MYO15A: variants seen among roughly 807,000 people sequenced by gnomAD.
The protein encoded by MYO15A is unconventional myosin-XV.
In MYO15A, 308 loss-of-function variants were observed where a neutral mutation model predicts 394.6. The observed-to-expected ratio is 0.78, with a 90% CI of 0.71 to 0.86. The LOEUF is 0.86. MYO15A is among the 40% of genes least tolerant of loss of function. The probability of loss-of-function intolerance (pLI) is 0.00; values close to 1 mark genes in which losing one functional copy is unlikely to be tolerated. For missense variants in MYO15A, 4,606 were observed against 4,799.1 expected, an observed-to-expected ratio of 0.96 and a Z score of 1.19; for synonymous variants, 1,957 against 2,003.8, an observed-to-expected ratio of 0.98 and a Z score of 0.62.
chr17:18,113,424 T>C (rs2045745974), intron 1 of MYO15A, among the ~76,000 whole-genome samples: 1 of 152,126 alleles, frequency 6.6e-6, no homozygotes, highest in African/African-American at 2.4e-5. Context: ...GAGCCACTGC[T>C]CCTGGCTGCA....
At chr17:18,141,874 AC>A in intron 23 of MYO15A, 104 bp downstream of exon 23, 1 of 1,314,022 alleles carries the variant, frequency 7.6e-7, no homozygotes. Flanking sequence ...CCCAGGAGCA[AC>A]CCAGATGAGC....
chr17:18,131,974 C>A (rs1011047360), intron 10 of MYO15A, among the ~76,000 whole-genome samples: 2 of 152,132 alleles, frequency 1.3e-5, no homozygotes, highest in African/African-American at 2.4e-5. Flanking sequence ...ATGTTTTAAG[C>A]AGTTATTTGC....
rs763642160 is a variant in MYO15A at position 18,156,915 on chromosome 17, A to G, written c.8602-39A>G. On this transcript the variant is annotated intron_variant, in intron 48 of 65. Coordinates refer to ENST00000647165, the MANE Select transcript of MYO15A (RefSeq NM_016239.4). ...GCCCTAGGCCTCTGGGAGTGGGGTG[A>G]TAGGGCTGTTGCCCTCACCCTGCCT... 3.2e-6 allele frequency: 5 copies of G among 1,565,564 alleles called. No homozygotes were observed. In the African/African-American group the frequency reaches 5.4e-5, roughly 17 times the overall value.
Position 18,142,148 on chromosome 17 carries a change from C to G in MYO15A, c.5719C>G (p.Leu1907Val). Residue 1907 changes from leucine (L) to valine (V), a missense_variant, in exon 24 of 66, where the codon CTC (leucine) becomes GTC (valine). By Grantham distance (32) the Leu-to-Val change is conservative. Transcript: ENST00000647165. The part of the protein sequence containing the change: ...MREHVLNLAA[L>V]TLQRCLRGFF... ...AGAGCATGTCCTGAATCTGGCAGCC[C>G]TCACTCTGCAGCGCTGCCTCCGTGG... 1 of 1,613,936 alleles carries G rather than the reference C, an allele frequency of 6.2e-7. No individual in the cohort carries two copies. The highest frequency in any genetic ancestry group is 8.5e-7 in the Non-Finnish European group (1 of 1,180,042).
At chr17:18,155,079 G>T in intron 45 of MYO15A, 31 bp from the exon 46 acceptor site, 1 of 1,596,454 alleles carries the variant, frequency 6.3e-7, no homozygotes. Context: ...GGAGTGGGGA[G>T]AGGGTCCTGA....
Position 18,117,618 on chromosome 17 carries a change from G to A in MYO15A, c.-219-964G>A, listed in dbSNP as rs1365944608. 6.6e-6 allele frequency among the ~76,000 whole-genome samples: 1 copy of A among 152,164 alleles called. No homozygotes were observed. Among genetic ancestry groups the A allele is most frequent in the Admixed American group, 6.5e-5 (1 of 15,278 alleles). ...CTCAGAGCTGCCACTCCCCACCTCC[G>A]CTGGCCTGCCCAGTTTTTCCCACCC... is the stretch of plus-strand genomic sequence containing the variant. On this transcript the variant is annotated intron_variant, in intron 1 of 65. Coordinates refer to ENST00000647165, the MANE Select transcript of MYO15A (RefSeq NM_016239.4). The surrounding 1 kb of genome is among the most constrained non-coding windows in gnomAD (Gnocchi z 4.1).
chr17:18,134,690 C>T (rs1355059273), intron 12 of MYO15A, among the ~76,000 whole-genome samples: 4 of 151,970 alleles, frequency 2.6e-5, no homozygotes, highest in Non-Finnish European at 5.9e-5. Context: ...GGAGACCAGC[C>T]TAGGCAACAT....
At position 18,143,934 on chromosome 17, in the gene MYO15A, C is replaced by G. The variant is rs1470943957; in HGVS notation, c.6111C>G (p.Pro2037=). 1 of 1,610,800 alleles carries G rather than the reference C, an allele frequency of 6.2e-7. No homozygotes were observed. Among genetic ancestry groups the G allele is most frequent in the South Asian group, 1.1e-5 (1 of 90,282 alleles). The change falls in exon 28 of 66, where the codon CCC becomes CCG. Residue 2037 remains proline, a synonymous_variant. Transcript: ENST00000647165. ...GGACTCCTCGACTCCAGGCTGAGCCCCGTGTCACACTGCCCCTGGACATCA... is the reference window on the plus strand; with the variant it reads ...GGACTCCTCGACTCCAGGCTGAGCCGCGTGTCACACTGCCCCTGGACATCA... ...PVRTPRLQAE[P]RVTLPLDINN...
chr17:18,140,672 T>C lies in MYO15A; in HGVS notation c.5360+7T>C. On this transcript the variant is annotated splice_region_variant and intron_variant, in intron 20 of 65. Transcript: ENST00000647165. ...TGGTGGAAAAGATGGAGAGGTGGGG[T>C]GGGGGGCAGGTGGGCGGAGCACCCA... 6.2e-7 allele frequency: 1 copy of C among 1,613,668 alleles called. No individual in the cohort carries two copies. Among genetic ancestry groups the C allele is most frequent in the East Asian group, 2.2e-5 (1 of 44,876 alleles).
rs934229697 is a variant in MYO15A at position 18,162,603 on chromosome 17, A to G, written c.9536A>G (p.Glu3179Gly). ...TCTGCAGGGATCGCCAAGGCCTGCG[A>G]GCAGAACCTGCAGAAAACCTTGCGC... ...LPFQGIAKACEQNLQKTLRFG... is the reference protein window; with the variant it reads ...LPFQGIAKACGQNLQKTLRFG... Residue 3179 changes from glutamate (E) to glycine (G), a missense_variant, in exon 58 of 66, where the codon GAG (glutamate) becomes GGG (glycine). Coordinates refer to ENST00000647165, the MANE Select transcript of MYO15A (RefSeq NM_016239.4). 6.2e-7 allele frequency: 1 copy of G among 1,614,072 alleles called. No individual in the cohort carries two copies. The highest frequency in any genetic ancestry group is 1.7e-5 in the Admixed American group (1 of 60,030).
In MYO15A at chr17:18,120,517, G is replaced by A. The variant is rs1348883855; in HGVS notation, c.1717G>A (p.Ala573Thr). 1 of 1,585,774 alleles carries A rather than the reference G, an allele frequency of 6.3e-7. No homozygotes were observed. The highest frequency in any genetic ancestry group is 1.3e-5 in the African/African-American group (1 of 74,632). Residue 573 changes from alanine to threonine, a missense_variant, in exon 2 of 66, where the codon GCG becomes ACG. Physicochemically the swap from Ala to Thr is moderately conservative, Grantham distance 58. Coordinates refer to ENST00000647165, the MANE Select transcript of MYO15A (RefSeq NM_016239.4). The part of the protein sequence containing the change: ...RPVPRPATSL[A>T]RFLKKTLSEK... ...CGTGCCTCGCCCTGCCACCTCGCTTGCGCGGTTCCTCAAGAAGACGCTGTC... is the reference window on the plus strand; with the variant it reads ...CGTGCCTCGCCCTGCCACCTCGCTTACGCGGTTCCTCAAGAAGACGCTGTC...
At chr17:18,131,210 C>T (rs1474308912) in intron 8 of MYO15A, 29 bp from the exon 9 acceptor site, 4 of 1,600,896 alleles carry the variant, frequency 2.5e-6, no homozygotes, top group Non-Finnish European at 3.4e-6. Flanking sequence ...CCTAGCCCCT[C>T]AATTCCCACA....
In MYO15A at chr17:18,120,562, C is replaced by A. The variant is rs774157005; in HGVS notation, c.1762C>A (p.Arg588=). The part of the protein sequence containing the change: ...KTLSEKKPIA[R]LRGSQKARAG... ...GCTGTCGGAGAAGAAGCCCATCGCG[C>A]GGCTCAGGGGCAGCCAGAAGGCCCG... Residue 588 remains arginine, a synonymous_variant, in exon 2 of 66, where the codon CGG becomes AGG. Coordinates refer to ENST00000647165, the MANE Select transcript of MYO15A (RefSeq NM_016239.4). The A allele has an allele frequency of 1.7e-5, 27 of 1,599,132 alleles. No homozygotes were observed. The highest frequency in any genetic ancestry group is 1.7e-4 in the Middle Eastern group (1 of 5,808).
At chr17:18,124,595 A>G in intron 3 of MYO15A, 30 bp downstream of exon 3, 1 of 1,608,420 alleles carries the variant, frequency 6.2e-7, no homozygotes, top group South Asian at 1.1e-5. Context: ...GGGGTCAGCA[A>G]GGGGTCACCA....
In MYO15A at chr17:18,118,951, G is replaced by A. The variant is rs748973041; in HGVS notation, c.151G>A (p.Gly51Ser). ...RDRTPKISKK[G>S]QFRSASAFFW... Reference sequence around the variant, plus strand: ...CCGTACACCCAAGATCTCCAAGAAGGGCCAGTTCCGCAGCGCCTCGGCCTT... The same window carrying A: ...CCGTACACCCAAGATCTCCAAGAAGAGCCAGTTCCGCAGCGCCTCGGCCTT... Residue 51 changes from glycine (G) to serine (S), a missense_variant, in exon 2 of 66, where the codon GGC becomes AGC. Around this residue, in one of 2 missense-constraint regions of MYO15A, gnomAD observed 1,830 missense variants for 1,689.7 expected, o/e 1.08. Transcript: ENST00000647165. The A allele has an allele frequency of 6.2e-6, 10 of 1,613,360 alleles. No homozygotes were observed. In the Admixed American group the frequency reaches 6.7e-5, roughly 11 times the overall value.
At position 18,133,449 on chromosome 17, in the gene MYO15A, G is replaced by C; in HGVS notation, c.4482+63G>C. 3.8e-6 allele frequency: 6 copies of C among 1,591,986 alleles called. No homozygotes were observed. The South Asian group carries it at 6.7e-5, about 18-fold the overall frequency. ...CTCTGGACTTGGCCGTCTTTTCCAA[G>C]GCCTTCTCTGTTTCCCTTTCAGATT... On this transcript the variant is annotated intron_variant, in intron 12 of 65. Transcript: ENST00000647165.
intron 7 of MYO15A, among the ~76,000 whole-genome samples, chr17:18,128,907 T>C (rs561672280): frequency 6.6e-6 from 1 of 152,122 alleles, no homozygotes; most frequent in South Asian, 2.1e-4. Flanking sequence ...ACACAGAATG[T>C]GTGAGGATGT....
chr17:18,141,580 C>A, intron 22 of MYO15A, 73 bp from the exon 23 acceptor site: 2 of 1,405,330 alleles, frequency 1.4e-6, no homozygotes, highest in Non-Finnish European at 2.0e-6. Context: ...TGGCTGGGGG[C>A]AGTAACCCCA....
Position 18,178,862 on chromosome 17 carries a change from C to G in MYO15A, c.10585C>G (p.Leu3529Val), listed in dbSNP as rs1224685658. Residue 3529 changes from leucine (L) to valine (V), a missense_variant, in exon 66 of 66, where the codon CTG becomes GTG. Around this residue, in one of 2 missense-constraint regions of MYO15A, gnomAD observed 2,776 missense variants for 3,109.3 expected, o/e 0.89. Transcript: ENST00000647165. ...CACATTGCCCCCCAGCGAGATCACC[C>G]TGCTCTGACCCAGCCCCCAGCCCTC... is the stretch of plus-strand genomic sequence containing the variant. ...RLTLPPSEIT[L>V]L 1.2e-6 allele frequency: 2 copies of G among 1,613,042 alleles called. No individual in the cohort carries two copies. Among genetic ancestry groups the G allele is most frequent in the Non-Finnish European group, 1.7e-6 (2 of 1,180,010 alleles).
Sources: gnomAD v4.1 joint callset for allele counts (sites outside exome capture counted in the v4.1 genomes callset) on GRCh38, gnomAD v4.1.1 for gene constraint, gnomAD v4.1.1 regional missense constraint, Gnocchi (gnomAD v3.1) non-coding constraint, MANE v1.5 for transcripts, NCBI Gene and HGNC (gene_info 2026-07-23, HGNC 2026-07-21) for gene names.